ATG13: variants seen among roughly 807,000 people sequenced by gnomAD.
The protein encoded by ATG13 is autophagy-related protein 13.
ATG13 carries 23 observed loss-of-function variants against 65.5 expected under a neutral mutation model. The ratio of observed to expected loss-of-function variants is 0.35; its 90% CI spans 0.25 to 0.50. The LOEUF (loss-of-function observed/expected upper bound fraction) is 0.50. Ranked by LOEUF, ATG13 falls within the 20% of genes least tolerant of loss-of-function variation. The pLI, the probability that ATG13 is intolerant of heterozygous loss-of-function variation, is 0.98. For synonymous variants in ATG13, 252 were observed against 245.2 expected, an observed-to-expected ratio of 1.03 and a Z score of -0.26; for missense variants, 566 against 677.0, an observed-to-expected ratio of 0.84 and a Z score of 1.82.
intron 18 of ATG13, 27 bp from the exon 19 acceptor site, chr11:46,672,228 C>T (rs757287810): frequency 2.0e-5 from 33 of 1,613,812 alleles, no homozygotes; most frequent in South Asian, 3.3e-5. Context: ...CCTGAATAAA[C>T]GGCTCTTCCC....
At chr11:46,650,434 T>C in intron 7 of ATG13, 117 bp downstream of exon 7, 1 of 1,365,096 alleles carries the variant, frequency 7.3e-7, no homozygotes, top group South Asian at 1.4e-5. Context: ...TGTTGGATTA[T>C]TGATGCTGTC....
chr11:46,619,634 C>A (rs1292662249), intron 1 of ATG13, among the ~76,000 whole-genome samples: 1 of 151,762 alleles, frequency 6.6e-6, no homozygotes, highest in South Asian at 2.1e-4. Flanking sequence ...GTTATCCACC[C>A]GCCTTGGCCT....
At chr11:46,628,593 G>A (rs1352008793) in intron 1 of ATG13, among the ~76,000 whole-genome samples, 1 of 152,108 alleles carries the variant, frequency 6.6e-6, no homozygotes, top group African/African-American at 2.4e-5. Context: ...TAATATGCCA[G>A]GAATTGTTAC....
chr11:46,641,760 AT>A (rs56660832), intron 2 of ATG13, among the ~76,000 whole-genome samples: 6 of 144,274 alleles, frequency 4.2e-5, no homozygotes, highest in Admixed American at 6.9e-5. Context: ...GTTATACCTG[AT>A]TTTTTTTTTT....
chr11:46,622,690 T>TA (rs1267556297), intron 1 of ATG13, among the ~76,000 whole-genome samples: 6 of 152,224 alleles, frequency 3.9e-5, no homozygotes, highest in African/African-American at 1.4e-4. Flanking sequence ...CAAAAACTGA[T>TA]ACACGTATGT....
chr11:46,670,592 A>T (rs1416007574), intron 18 of ATG13, among the ~76,000 whole-genome samples: 1 of 152,010 alleles, frequency 6.6e-6, no homozygotes, highest in Non-Finnish European at 1.5e-5. Flanking sequence ...CCTTCACTTG[A>T]ACTCAGGAGT....
chr11:46,655,721 T>G (rs563320692), intron 7 of ATG13, among the ~76,000 whole-genome samples: 5 of 152,300 alleles, frequency 3.3e-5, no homozygotes, highest in Non-Finnish European at 7.4e-5. Flanking sequence ...AATAGCAGTT[T>G]CCACTTAATT....
chr11:46,671,219 T>C (rs1031272840), intron 18 of ATG13, among the ~76,000 whole-genome samples: 3 of 152,198 alleles, frequency 2.0e-5, no homozygotes, highest in African/African-American at 7.2e-5. Context: ...CAAGAGACTC[T>C]CCACGCTCCC....
chr11:46,655,216 G>A (rs1440940781), intron 7 of ATG13, among the ~76,000 whole-genome samples: 2 of 151,928 alleles, frequency 1.3e-5, no homozygotes, highest in Non-Finnish European at 2.9e-5. Flanking sequence ...TGGCTAACAC[G>A]GCGAAAACCC....
chr11:46,628,556 A>T (rs1211028760), intron 1 of ATG13, among the ~76,000 whole-genome samples: 1 of 152,152 alleles, frequency 6.6e-6, no homozygotes, highest in African/African-American at 2.4e-5. Context: ...AGAAGTAGGC[A>T]TTATACAAAT....
chr11:46,670,208 T>G (rs1180285412), intron 18 of ATG13, among the ~76,000 whole-genome samples: 1 of 152,004 alleles, frequency 6.6e-6, no homozygotes. Flanking sequence ...AATAGCCAGG[T>G]GCAGTGGCTC....
intron 1 of ATG13, among the ~76,000 whole-genome samples, chr11:46,620,358 G>A (rs1408380657): frequency 1.3e-5 from 2 of 151,592 alleles, no homozygotes; most frequent in African/African-American, 4.8e-5. Context: ...GCCTCCCAAA[G>A]TGCTGGGATT....
At chr11:46,640,399 A>G (rs1269669264) in intron 2 of ATG13, among the ~76,000 whole-genome samples, 1 of 152,244 alleles carries the variant, frequency 6.6e-6, no homozygotes, top group Non-Finnish European at 1.5e-5. Flanking sequence ...CTGGGAGAAG[A>G]TATTTGCAGT....
At chr11:46,646,655 G>C (rs973102444) in intron 5 of ATG13, among the ~76,000 whole-genome samples, 10 of 151,794 alleles carry the variant, frequency 6.6e-5, no homozygotes, top group African/African-American at 1.9e-4. Context: ...GTAGAGACAG[G>C]GTTTTGCTAT....
intron 10 of ATG13, 149 bp from the exon 11 acceptor site, chr11:46,659,243 T>C: frequency 5.1e-6 from 3 of 591,826 alleles, no homozygotes; most frequent in Non-Finnish European, 6.0e-6. Context: ...TTTGAAATTA[T>C]TGAGGACTCC....
At chr11:46,634,049 T>G (rs941310739) in intron 2 of ATG13, among the ~76,000 whole-genome samples, 59 of 152,120 alleles carry the variant, frequency 3.9e-4, no homozygotes, top group African/African-American at 1.4e-3. Flanking sequence ...TCTGATCGCC[T>G]TTTTGAAGTC....
chr11:46,633,422 C>T (rs574366050), intron 2 of ATG13, among the ~76,000 whole-genome samples: 1 of 151,602 alleles, frequency 6.6e-6, no homozygotes, highest in Non-Finnish European at 1.5e-5. Context: ...AATCTTGGCT[C>T]GTGCAACCTC....
intron 2 of ATG13, chr11:46,632,435 A>G (rs2052120830): frequency 6.6e-6 from 1 of 152,212 alleles, no homozygotes; most frequent in African/African-American, 2.4e-5. Flanking sequence ...GTTGCAAAGT[A>G]AATGAGAGAC....
At chr11:46,647,420 G>A (rs2057908316) in intron 5 of ATG13, among the ~76,000 whole-genome samples, 1 of 151,660 alleles carries the variant, frequency 6.6e-6, no homozygotes, top group African/African-American at 2.4e-5. Flanking sequence ...TGGGATTACA[G>A]GTGCGTGCCA....
Sources: allele counts gnomAD v4.1 joint callset (sites outside exome capture counted in the v4.1 genomes callset), GRCh38; gene constraint gnomAD v4.1.1; transcripts MANE v1.5; gene names NCBI Gene and HGNC (gene_info 2026-07-23, HGNC 2026-07-21).